The following IMMP2L variants were observed in gnomAD, a reference collection of about 807,000 sequenced individuals.
The protein encoded by IMMP2L is inner mitochondrial membrane peptidase subunit 2.
IMMP2L carries 18 observed loss-of-function variants against 19.3 expected under a neutral mutation model. The ratio of observed to expected loss-of-function variants is 0.93; its 90% CI spans 0.64 to 1.38. IMMP2L has a LOEUF of 1.38. IMMP2L is among the 40% of genes most tolerant of loss of function. The pLI, the probability that IMMP2L is intolerant of heterozygous loss-of-function variation, is 0.00. For missense variants in IMMP2L, 233 were observed against 218.2 expected, an observed-to-expected ratio of 1.07 and a Z score of -0.43; for synonymous variants, 76 against 73.0, an observed-to-expected ratio of 1.04 and a Z score of -0.21.
chr7:110,860,629 C>T (rs1260338241), intron 5 of IMMP2L, among the ~76,000 whole-genome samples: 5 of 152,084 alleles, frequency 3.3e-5, no homozygotes, highest in Non-Finnish European at 5.9e-5. Flanking sequence ...TCATACTCTA[C>T]AAAATTGGAG....
intron 5 of IMMP2L, among the ~76,000 whole-genome samples, chr7:110,804,812 G>C (rs1180810713): frequency 2.6e-5 from 4 of 152,110 alleles, no homozygotes; most frequent in Admixed American, 2.6e-4. Context: ...CAGGATGGAA[G>C]AAAAACATGT....
intron 3 of IMMP2L, among the ~76,000 whole-genome samples, chr7:111,256,429 T>C (rs1816705082): frequency 6.6e-6 from 1 of 152,080 alleles, no homozygotes; most frequent in Admixed American, 6.6e-5. Context: ...TGTAAGATAA[T>C]ACATGTCATT....
intron 3 of IMMP2L, among the ~76,000 whole-genome samples, chr7:111,063,254 T>C (rs184359394): frequency 6.6e-6 from 1 of 152,208 alleles, no homozygotes; most frequent in Admixed American, 6.5e-5. Context: ...GCTTGTGCCC[T>C]CTAAAGCCAC....
chr7:110,955,646 G>A (rs1200646394), intron 4 of IMMP2L, among the ~76,000 whole-genome samples: 3 of 151,936 alleles, frequency 2.0e-5, no homozygotes, highest in South Asian at 4.1e-4. Flanking sequence ...CTCAGAAACA[G>A]TGTACAAATA....
intron 3 of IMMP2L, among the ~76,000 whole-genome samples, chr7:111,092,825 A>G (rs1797005059): frequency 6.6e-6 from 1 of 152,224 alleles, no homozygotes; most frequent in African/African-American, 2.4e-5. Context: ...AGACAGTAAA[A>G]GAAACCTAGC....
Position 110,663,317 on chromosome 7 carries a change from C to T in IMMP2L, c.*285G>A. The T allele has an allele frequency of 1.6e-5, 4 of 250,434 alleles. No individual in the cohort carries two copies. The South Asian group carries it at 2.0e-4, about 12-fold the overall frequency. 15.5% of individuals were successfully genotyped at this position (250,434 alleles called of 1,614,324 possible). A position where few individuals can be genotyped will look rare whatever the true frequency, so the allele number is the denominator to read the frequency against. ...GTAACAAATAATCTGAAATTCAGCC[C>T]CATTAAGACATGTGGGTGCAATATT... On this transcript the variant is annotated 3_prime_UTR_variant, in exon 6 of 6. Transcript: ENST00000405709.
chr7:111,351,102 G>A (rs189512469), intron 3 of IMMP2L, among the ~76,000 whole-genome samples: 25 of 152,188 alleles, frequency 1.6e-4, no homozygotes, highest in African/African-American at 5.1e-4. Flanking sequence ...TGCTCAATTC[G>A]CTATTGCGTG....
At chr7:111,218,904 T>C (rs1470144826) in intron 3 of IMMP2L, among the ~76,000 whole-genome samples, 1 of 151,914 alleles carries the variant, frequency 6.6e-6, no homozygotes. Flanking sequence ...TAATACAAAA[T>C]AATAAATACT....
chr7:110,926,377 A>G (rs970542591), intron 4 of IMMP2L, among the ~76,000 whole-genome samples: 1 of 152,088 alleles, frequency 6.6e-6, no homozygotes, highest in Non-Finnish European at 1.5e-5. Flanking sequence ...ACCAAGAGAA[A>G]TGGTTTCTAT....
At chr7:111,476,623 T>C (rs1414061884) in intron 3 of IMMP2L, among the ~76,000 whole-genome samples, 1 of 152,140 alleles carries the variant, frequency 6.6e-6, no homozygotes, top group African/African-American at 2.4e-5. Flanking sequence ...CCCAGGATAA[T>C]CTATTTCCAG....
chr7:111,059,392 A>T (rs921278093), intron 3 of IMMP2L, among the ~76,000 whole-genome samples: 1 of 152,210 alleles, frequency 6.6e-6, no homozygotes, highest in African/African-American at 2.4e-5. Context: ...TAACTTCTCT[A>T]TCCACATATA....
At chr7:111,297,082 A>G (rs1006713568) in intron 3 of IMMP2L, among the ~76,000 whole-genome samples, 1 of 152,094 alleles carries the variant, frequency 6.6e-6, no homozygotes, top group African/African-American at 2.4e-5. Context: ...GCATAAGAAT[A>G]TAAAGGGCTA....
intron 3 of IMMP2L, among the ~76,000 whole-genome samples, chr7:111,085,926 G>T (rs1761971952): frequency 6.6e-6 from 1 of 152,020 alleles, no homozygotes; most frequent in South Asian, 2.1e-4. Flanking sequence ...TATAAGTGGG[G>T]GCTAAGTGAT....
chr7:111,167,406 A>T (rs1241535162), intron 3 of IMMP2L, among the ~76,000 whole-genome samples: 3 of 151,966 alleles, frequency 2.0e-5, no homozygotes, highest in Non-Finnish European at 4.4e-5. Flanking sequence ...TCTGCGAAAA[A>T]TGACCATACA....
At chr7:111,243,219 GAAGT>G (rs1210405667) in intron 3 of IMMP2L, among the ~76,000 whole-genome samples, 1 of 151,926 alleles carries the variant, frequency 6.6e-6, no homozygotes, top group Non-Finnish European at 1.5e-5. Flanking sequence ...TTCTGAATGT[GAAGT>G]ATTTATTATA....
intron 4 of IMMP2L, among the ~76,000 whole-genome samples, chr7:110,897,262 A>C (rs1390765620): frequency 2.0e-5 from 3 of 152,206 alleles, no homozygotes; most frequent in Non-Finnish European, 2.9e-5. Flanking sequence ...TATGGGGGGT[A>C]AATGTTGTAC....
rs143063169 is a variant in IMMP2L at position 110,846,586 on chromosome 7, G to A, written c.408+40007C>T. ...TTACCTTGTTGGTCAGGCTGGTCTC[G>A]AACTCCTGACCTCAGATGATCCATC... On this transcript the variant is annotated intron_variant, in intron 5 of 5. Transcript: ENST00000405709. 1.0e-3 allele frequency among the ~76,000 whole-genome samples: 157 copies of A among 151,858 alleles called. 1 individual carries two copies. Among genetic ancestry groups the A allele is most frequent in the African/African-American group, 3.6e-3 (149 of 41,436 alleles).
intron 3 of IMMP2L, among the ~76,000 whole-genome samples, chr7:111,115,726 G>A (rs964343685): frequency 6.6e-6 from 1 of 151,950 alleles, no homozygotes; most frequent in Non-Finnish European, 1.5e-5. Flanking sequence ...GAGTGCAGCT[G>A]GCACCATCTG....
chr7:111,335,593 T>C (rs1236581349), intron 3 of IMMP2L, among the ~76,000 whole-genome samples: 1 of 152,140 alleles, frequency 6.6e-6, no homozygotes, highest in African/African-American at 2.4e-5. Flanking sequence ...ATGCTGTTTA[T>C]AGCAGCAGTA....
Sources: gnomAD v4.1 joint callset for allele counts (sites outside exome capture counted in the v4.1 genomes callset) on GRCh38, gnomAD v4.1.1 for gene constraint, MANE v1.5 for transcripts, NCBI Gene and HGNC (gene_info 2026-07-23, HGNC 2026-07-21) for gene names.